Variants in RAI14 observed in about 807,000 individuals in gnomAD.
The protein encoded by RAI14 is retinoic acid induced 14.
In RAI14, 45 loss-of-function variants were observed where a neutral mutation model predicts 115.4. The observed-to-expected ratio is 0.39, with a 90% confidence interval of 0.31 to 0.50. The LOEUF is 0.50. Ranked by LOEUF, RAI14 falls within the 20% of genes least tolerant of loss-of-function variation. The probability of loss-of-function intolerance (pLI) is 0.85; values close to 1 mark genes in which losing one functional copy is unlikely to be tolerated. For synonymous variants in RAI14, 371 were observed against 415.4 expected (o/e 0.89, Z 1.30); for missense variants, 939 against 1,131.2 (o/e 0.83, Z 2.44).
intron 12 of RAI14, among the ~76,000 whole-genome samples, chr5:34,817,006 C>T (rs1478299752): frequency 6.6e-6 from 1 of 151,832 alleles, no homozygotes; most frequent in Admixed American, 6.6e-5. Flanking sequence ...CTCGGTGGCT[C>T]ACAGCTCATG....
chr5:34,660,461 T>A (rs113472810), intron 1 of RAI14, among the ~76,000 whole-genome samples: 1 of 152,048 alleles, frequency 6.6e-6, no homozygotes, highest in Non-Finnish European at 1.5e-5. Flanking sequence ...AAAGAAAAAG[T>A]GGCTCTTCAT....
At position 34,832,221 on chromosome 5, in the gene RAI14, T is replaced by C. The variant is rs995686704; in HGVS notation, c.*1456T>C. 1.3e-5 allele frequency: 2 copies of C among 152,680 alleles called. No individual in the cohort carries two copies. The highest frequency in any genetic ancestry group is 4.8e-5 in the African/African-American group (2 of 41,466). 9.5% of individuals were successfully genotyped at this position (152,680 alleles called of 1,614,324 possible). A position where few individuals can be genotyped will look rare whatever the true frequency, so the allele number is the denominator to read the frequency against. The stretch of plus-strand genomic sequence containing the variant: ...GGCCTCAGTGGGTGCTTGGCTGTGC[T>C]GGATGATATGTTGATCTGTATTGGA... On this transcript the variant is annotated 3_prime_UTR_variant, in exon 18 of 18. Transcript: ENST00000265109.
chr5:34,814,517 G>A, intron 11 of RAI14, 66 bp from the exon 12 acceptor site: 1 of 1,202,914 alleles, frequency 8.3e-7, no homozygotes, highest in Non-Finnish European at 1.2e-6. Context: ...TGATTCTTCG[G>A]CACTGGAGAA....
At chr5:34,701,503 C>A (rs1257852273) in intron 2 of RAI14, among the ~76,000 whole-genome samples, 2 of 152,212 alleles carry the variant, frequency 1.3e-5, no homozygotes, top group Non-Finnish European at 2.9e-5. Flanking sequence ...TTTATCTTAA[C>A]CTGAATGTTC....
chr5:34,826,586 C>T, intron 16 of RAI14, 107 bp downstream of exon 16: 1 of 1,381,618 alleles, frequency 7.2e-7, no homozygotes, highest in Non-Finnish European at 9.7e-7. Flanking sequence ...ATTCCCAGCC[C>T]AAAGGAATGT....
intron 2 of RAI14, among the ~76,000 whole-genome samples, chr5:34,696,869 G>T (rs1259773164): frequency 6.6e-6 from 1 of 152,192 alleles, no homozygotes; most frequent in South Asian, 2.1e-4. Flanking sequence ...TGTGGCTCAC[G>T]CCTGCAATCC....
chr5:34,777,893 A>T (rs1056690288), intron 3 of RAI14, among the ~76,000 whole-genome samples: 8 of 152,152 alleles, frequency 5.3e-5, no homozygotes, highest in African/African-American at 1.9e-4. Flanking sequence ...GGATAAAGAG[A>T]GTAGAAACAT....
intron 3 of RAI14, among the ~76,000 whole-genome samples, chr5:34,762,063 T>G (rs1748724510): frequency 6.6e-6 from 1 of 152,200 alleles, no homozygotes. Context: ...ACAATCTTAT[T>G]GTGTTGGTCT....
intron 2 of RAI14, among the ~76,000 whole-genome samples, chr5:34,692,694 A>G (rs1003430863): frequency 1.3e-5 from 2 of 151,978 alleles, no homozygotes; most frequent in African/African-American, 2.4e-5. Context: ...CTAAAGTTCT[A>G]GAGAGAAATT....
At chr5:34,779,193 C>T (rs1368577099) in intron 3 of RAI14, among the ~76,000 whole-genome samples, 4 of 152,146 alleles carry the variant, frequency 2.6e-5, no homozygotes, top group Non-Finnish European at 4.4e-5. Context: ...TAAAAACTCT[C>T]AATAAATTAG....
rs1381392602 is a variant in RAI14, at chr5:34,811,870, G to A, written c.661G>A (p.Ala221Thr). 1.9e-6 allele frequency: 3 copies of A among 1,612,536 alleles called. No homozygotes were observed. Among genetic ancestry groups the A allele is most frequent in the Non-Finnish European group, 2.5e-6 (3 of 1,179,030 alleles). Reference sequence around the variant, plus strand: ...CCTTGTAGATTCTCTTGGATACAATGCCTTACATTATTCCAAACTCTCAGA... The same window carrying A: ...CCTTGTAGATTCTCTTGGATACAATACCTTACATTATTCCAAACTCTCAGA... ...LNLVDSLGYNALHYSKLSENA... is the reference protein window; with the variant it reads ...LNLVDSLGYNTLHYSKLSENA... Residue 221 changes from alanine (A) to threonine (T), a missense_variant, in exon 9 of 18, where the codon GCC becomes ACC. Transcript: ENST00000265109.
rs541423466 is a variant in RAI14, at chr5:34,739,652, C to T, written c.37-17816C>T. On this transcript the variant is annotated intron_variant, in intron 2 of 17. Transcript: ENST00000265109. Reference sequence around the variant, plus strand: ...TTAGTAGCAATATTATCTGTTAAGCCCAGTGTTCTGCTTGAGTCTTTTCCT... The same window carrying T: ...TTAGTAGCAATATTATCTGTTAAGCTCAGTGTTCTGCTTGAGTCTTTTCCT... Among the ~76,000 whole-genome samples, 7 of 152,190 alleles carry T rather than the reference C, an allele frequency of 4.6e-5. No individual in the cohort carries two copies. In the East Asian group the frequency reaches 1.2e-3, roughly 25 times the overall value.
Position 34,803,591 on chromosome 5 carries a change from G to T in RAI14, c.257-121G>T, listed in dbSNP as rs1042160024. The T allele has an allele frequency of 2.4e-5, 20 of 831,490 alleles. No individual in the cohort carries two copies. In the African/African-American group the frequency reaches 2.8e-4, roughly 12 times the overall value. 51.5% of individuals were successfully genotyped at this position (831,490 alleles called of 1,614,324 possible). A position where few individuals can be genotyped will look rare whatever the true frequency, so the allele number is the denominator to read the frequency against. On this transcript the variant is annotated intron_variant, in intron 4 of 17. Coordinates refer to ENST00000265109, the MANE Select transcript of RAI14 (RefSeq NM_015577.3). ...AAAAACAAACAAACAAAAAAACACA[G>T]TTCCGTCTTTTTTGGATAACAACCT...
intron 1 of RAI14, among the ~76,000 whole-genome samples, chr5:34,663,976 A>G (rs1396183390): frequency 6.6e-6 from 1 of 152,274 alleles, no homozygotes; most frequent in Non-Finnish European, 1.5e-5. Flanking sequence ...AATGGCATTC[A>G]CTGGAAATTA....
At chr5:34,694,201 T>C (rs533496845) in intron 2 of RAI14, among the ~76,000 whole-genome samples, 1 of 152,364 alleles carries the variant, frequency 6.6e-6, no homozygotes, top group South Asian at 2.1e-4. Flanking sequence ...CTTACATCTT[T>C]ATTCTGCATT....
intron 2 of RAI14, among the ~76,000 whole-genome samples, chr5:34,721,291 G>GTATA (rs10538679): frequency 0.044 from 5,709 of 130,556 alleles, 155 homozygotes; most frequent in East Asian, 0.11. Flanking sequence ...ATGTAGATGT[G>GTATA]TATATATATA....
At chr5:34,804,970 G>T (rs1754688540) in intron 5 of RAI14, among the ~76,000 whole-genome samples, 1 of 152,172 alleles carries the variant, frequency 6.6e-6, no homozygotes, top group South Asian at 2.1e-4. Context: ...GAATTAACCT[G>T]ACAAGCTGGA....
chr5:34,748,011 G>T (rs1289180189), intron 2 of RAI14, among the ~76,000 whole-genome samples: 1 of 152,196 alleles, frequency 6.6e-6, no homozygotes, highest in Non-Finnish European at 1.5e-5. Context: ...GAACTAACCT[G>T]GTCCTGGTGG....
At chr5:34,759,531 G>A (rs572893435) in intron 3 of RAI14, among the ~76,000 whole-genome samples, 16 of 152,234 alleles carry the variant, frequency 1.1e-4, no homozygotes, top group Non-Finnish European at 1.8e-4. Context: ...CTGCACATGC[G>A]AGGGATCTAG....
Sources: gnomAD v4.1 joint callset for allele counts (sites outside exome capture counted in the v4.1 genomes callset) on GRCh38, gnomAD v4.1.1 for gene constraint, MANE v1.5 for transcripts, NCBI Gene and HGNC (gene_info 2026-07-23, HGNC 2026-07-21) for gene names.